The following PDLIM1 variants were observed in gnomAD, a reference collection of about 807,000 sequenced individuals.
PDLIM1 encodes PDZ and LIM domain 1.
PDLIM1 carries 25 observed loss-of-function variants against 35.2 expected under a neutral mutation model. That is an observed-to-expected ratio of 0.71 (90% CI 0.52 to 0.99). The LOEUF (loss-of-function observed/expected upper bound fraction) is 0.99, where lower values mean the gene tolerates loss of function less well. Ranked by LOEUF, PDLIM1 falls within the 50% of genes least tolerant of loss-of-function variation. The probability of loss-of-function intolerance (pLI) is 0.00; values close to 1 mark genes in which losing one functional copy is unlikely to be tolerated. For synonymous variants in PDLIM1, 152 were observed against 154.0 expected, an observed-to-expected ratio of 0.99 and a Z score of 0.10; for missense variants, 363 against 415.3, an observed-to-expected ratio of 0.87 and a Z score of 1.09.
chr10:95,263,353 T>C (rs1364549277), intron 4 of PDLIM1, among the ~76,000 whole-genome samples: 2 of 152,144 alleles, frequency 1.3e-5, no homozygotes, highest in South Asian at 2.1e-4. Flanking sequence ...GGGACCTCTC[T>C]TCTTTCATGA....
At chr10:95,246,605 A>T (rs967516946) in intron 5 of PDLIM1, among the ~76,000 whole-genome samples, 1 of 152,186 alleles carries the variant, frequency 6.6e-6, no homozygotes, top group African/African-American at 2.4e-5. Flanking sequence ...GACCATGATA[A>T]TCTTAGAGGA....
intron 1 of PDLIM1, among the ~76,000 whole-genome samples, chr10:95,276,917 A>AC (rs2035516723): frequency 6.6e-6 from 1 of 150,388 alleles, no homozygotes; most frequent in Non-Finnish European, 1.5e-5. Flanking sequence ...AAAAAAAAAA[A>AC]AAAAAAACTT....
chr10:95,267,172 A>G (rs2035423698), intron 3 of PDLIM1, among the ~76,000 whole-genome samples: 1 of 152,240 alleles, frequency 6.6e-6, no homozygotes, highest in Non-Finnish European at 1.5e-5. Context: ...TGTAATCTGA[A>G]GAGAACTACC....
At chr10:95,258,562 A>G (rs537394775) in intron 4 of PDLIM1, among the ~76,000 whole-genome samples, 1 of 152,302 alleles carries the variant, frequency 6.6e-6, no homozygotes, top group African/African-American at 2.4e-5. Context: ...AACCTTGAGG[A>G]CATTATGGTA....
chr10:95,237,632 T>C lies in PDLIM1; in HGVS notation c.*293A>G. On this transcript the variant is annotated 3_prime_UTR_variant, in exon 7 of 7. Coordinates refer to ENST00000329399, the MANE Select transcript of PDLIM1 (RefSeq NM_020992.4). ...TCAGTGTCAGACACGTTATATTTGA[T>C]TGGGTTCAAATTTGGCTGATGTCCA... 1 of 388,496 alleles carries C rather than the reference T, an allele frequency of 2.6e-6. No individual in the cohort carries two copies. The highest frequency in any genetic ancestry group is 4.7e-6 in the Non-Finnish European group (1 of 212,108). 24.1% of individuals were successfully genotyped at this position (388,496 alleles called of 1,614,324 possible). A position where few individuals can be genotyped will look rare whatever the true frequency, so the allele number is the denominator to read the frequency against.
intron 3 of PDLIM1, among the ~76,000 whole-genome samples, chr10:95,267,368 T>C (rs1334161252): frequency 6.6e-6 from 1 of 152,198 alleles, no homozygotes; most frequent in Non-Finnish European, 1.5e-5. Flanking sequence ...AATTTAACAA[T>C]TAAAATTTAA....
intron 1 of PDLIM1, among the ~76,000 whole-genome samples, chr10:95,281,996 A>C (rs957456966): frequency 5.3e-5 from 8 of 152,222 alleles, no homozygotes; most frequent in East Asian, 1.9e-4. Context: ...TAAATATTGT[A>C]AATGTGTAAC....
At chr10:95,247,624 A>C (rs1461703712) in intron 4 of PDLIM1, 2 of 350,002 alleles carry the variant, frequency 5.7e-6, no homozygotes, top group Admixed American at 9.5e-5. Context: ...TTTTTGGCCT[A>C]ATCCAGTGGA....
In PDLIM1 at chr10:95,238,109, C is replaced by T; in HGVS notation, c.806G>A (p.Gly269Asp). The change falls in exon 7 of 7, where the codon GGT becomes GAT. Residue 269 changes from glycine to aspartate, a missense_variant and splice_region_variant. By Grantham distance (94) the Gly-to-Asp change is moderately conservative (BLOSUM62 -1). Transcript: ENST00000329399. ...ACGGTCCCGCAGCTTCACAAACACA[C>T]CACTACAGAAGCAAGGGAGGGAAGG... The part of the protein sequence containing the change: ...MCDKCGTGIV[G>D]VFVKLRDRHR... The T allele has an allele frequency of 2.5e-6, 4 of 1,613,566 alleles. No individual in the cohort carries two copies. Among genetic ancestry groups the T allele is most frequent in the Non-Finnish European group, 1.7e-6 (2 of 1,179,694 alleles).
intron 1 of PDLIM1, among the ~76,000 whole-genome samples, chr10:95,286,276 G>C (rs2035600926): frequency 6.6e-6 from 1 of 151,942 alleles, no homozygotes; most frequent in Non-Finnish European, 1.5e-5. Context: ...AGAATCGCTT[G>C]AACCCAGGGG....
intron 1 of PDLIM1, among the ~76,000 whole-genome samples, chr10:95,274,130 G>A (rs2035490328): frequency 6.6e-6 from 1 of 152,000 alleles, no homozygotes; most frequent in African/African-American, 2.4e-5. Flanking sequence ...CCCACATCAT[G>A]CCTCTTCCCC....
At chr10:95,275,802 C>G (rs945990437) in intron 1 of PDLIM1, among the ~76,000 whole-genome samples, 8 of 152,280 alleles carry the variant, frequency 5.3e-5, no homozygotes, top group Middle Eastern at 3.4e-3. Flanking sequence ...TATATCCCAA[C>G]AGGTCCTGGA....
intron 1 of PDLIM1, among the ~76,000 whole-genome samples, chr10:95,286,424 T>C (rs1197106802): frequency 6.6e-6 from 1 of 152,202 alleles, no homozygotes; most frequent in Non-Finnish European, 1.5e-5. Context: ...CTTATTATTT[T>C]ATTTTATCTT....
Position 95,238,073 on chromosome 10 carries a change from G to GGGTGGC in PDLIM1, c.836_841dup (p.Arg279_His280dup), listed in dbSNP as rs758236230. ...ACAGTCAGTGCACACATAACACTCA[G>GGGTGGC]GGTGGCGGTGACGGTCCCGCAGCTT... On this transcript the variant is annotated inframe_insertion, in exon 7 of 7. Transcript: ENST00000329399. 1.2e-4 allele frequency: 201 copies of GGGTGGC among 1,613,952 alleles called. No homozygotes were observed. The highest frequency in any genetic ancestry group is 1.6e-4 in the Non-Finnish European group (192 of 1,179,996).
chr10:95,255,900 TACACACACACACAC>T (rs59292355), intron 4 of PDLIM1, among the ~76,000 whole-genome samples: 3 of 138,962 alleles, frequency 2.2e-5, no homozygotes, highest in East Asian at 2.1e-4. Context: ...CCCCCCCCAC[TACACACACACACAC>T]ACACACACAC....
At chr10:95,276,945 G>A (rs943031149) in intron 1 of PDLIM1, among the ~76,000 whole-genome samples, 2 of 149,666 alleles carry the variant, frequency 1.3e-5, no homozygotes, top group African/African-American at 4.9e-5. Flanking sequence ...AGGCATGGTG[G>A]CTTACGCCTG....
chr10:95,285,583 T>C (rs2035595805), intron 1 of PDLIM1, among the ~76,000 whole-genome samples: 1 of 152,200 alleles, frequency 6.6e-6, no homozygotes, highest in South Asian at 2.1e-4. Flanking sequence ...CAGAAGAAGA[T>C]AATGTAAGTG....
At position 95,290,917 on chromosome 10, in the gene PDLIM1, G is replaced by A; in HGVS notation, c.-2C>T. On this transcript the variant is annotated 5_prime_UTR_variant, in exon 1 of 7. Coordinates refer to ENST00000329399, the MANE Select transcript of PDLIM1 (RefSeq NM_020992.4). The surrounding 1 kb of genome is among the most constrained non-coding windows in gnomAD (Gnocchi z 4.7). The stretch of plus-strand genomic sequence containing the variant: ...GAGGTCTATCTGCTGGGTGGTCATG[G>A]CGCGGCTGTGGCGGGCGACGACCCG... 6.5e-7 allele frequency: 1 copy of A among 1,543,030 alleles called. No individual in the cohort carries two copies. Among genetic ancestry groups the A allele is most frequent in the Non-Finnish European group, 8.8e-7 (1 of 1,142,528 alleles).
In PDLIM1 at chr10:95,290,132, G is replaced by A. The variant is rs901892379; in HGVS notation, c.96+688C>T. On this transcript the variant is annotated intron_variant, in intron 1 of 6. Coordinates refer to ENST00000329399, the MANE Select transcript of PDLIM1 (RefSeq NM_020992.4). The surrounding 1 kb of genome is among the most constrained non-coding windows in gnomAD (Gnocchi z 4.7). ...CCATCGCAGTATCTACTCATGCCCT[G>A]AGAAAAAAGGGCTGGTGCGGGGAGG... Among the ~76,000 whole-genome samples, 2 of 152,120 alleles carry A rather than the reference G, an allele frequency of 1.3e-5. No individual in the cohort carries two copies. The highest frequency in any genetic ancestry group is 1.3e-4 in the Admixed American group (2 of 15,280).
Sources: gnomAD v4.1 joint callset for allele counts (sites outside exome capture counted in the v4.1 genomes callset) on GRCh38, gnomAD v4.1.1 for gene constraint, Gnocchi (gnomAD v3.1) non-coding constraint, MANE v1.5 for transcripts, NCBI Gene and HGNC (gene_info 2026-07-23, HGNC 2026-07-21) for gene names.